Variants in TSPEAR observed in about 807,000 individuals in gnomAD.
The protein encoded by TSPEAR is thrombospondin-type laminin G domain and EAR repeat-containing protein.
Under a neutral mutation model 71.6 loss-of-function variants are expected in TSPEAR, and 69 were observed. That is an observed-to-expected ratio of 0.96 (90% CI 0.79 to 1.18). The LOEUF is 1.18. TSPEAR is among the 50% of genes most tolerant of loss of function. The pLI is 0.00. For synonymous variants in TSPEAR, 402 were observed against 387.2 expected, an observed-to-expected ratio of 1.04 and a Z score of -0.45; for missense variants, 971 against 894.9, an observed-to-expected ratio of 1.09 and a Z score of -1.09.
rs1555915226 is a variant in TSPEAR at position 44,528,402 on chromosome 21, G to A, written c.922+50C>T. ...CCTAGCCTCCACTCCCAGTCACACT[G>A]TGCCAGAGTGGCCCTGCATGCCAAC... On this transcript the variant is annotated intron_variant, in intron 6 of 11. Coordinates refer to ENST00000323084, the MANE Select transcript of TSPEAR (RefSeq NM_144991.3). 4 of 1,610,776 alleles carry A rather than the reference G, an allele frequency of 2.5e-6. 1 individual carries two copies. In the South Asian group the frequency reaches 3.3e-5, roughly 13 times the overall value.
At chr21:44,638,026 C>G (rs77446663) in intron 1 of TSPEAR, 10 of 1,608,168 alleles carry the variant, frequency 6.2e-6, no homozygotes, top group Non-Finnish European at 8.5e-6. Context: ...CCACCTGCTG[C>G]GTGCCCGTCC....
intron 1 of TSPEAR, chr21:44,646,314 A>C: frequency 8.4e-7 from 1 of 1,188,348 alleles, no homozygotes; most frequent in Non-Finnish European, 1.2e-6. Context: ...CAAGGAAGAA[A>C]AGCTTGTGGA....
intron 1 of TSPEAR, chr21:44,601,118 C>T (rs782195449): frequency 1.3e-6 from 2 of 1,583,090 alleles, no homozygotes; most frequent in East Asian, 4.6e-5. Context: ...CCTGTCTGCT[C>T]TGGGATTTCC....
rs781847897 is a variant in TSPEAR, at chr21:44,551,186, G to T, written c.303+16599C>A. On this transcript the variant is annotated intron_variant, in intron 2 of 11. Transcript: ENST00000323084. ...AGCAGGCCTGCTGGCAGGGGGAGGA[G>T]GTGCAGCAAGCCGGCTGGCAGCTAG... The T allele has an allele frequency of 2.7e-5, 43 of 1,596,058 alleles. 1 individual carries two copies. The South Asian group carries it at 4.1e-4, about 15-fold the overall frequency.
Position 44,522,001 on chromosome 21 carries a change from C to T in TSPEAR, c.1448G>A (p.Ser483Asn). The T allele has an allele frequency of 1.2e-6, 2 of 1,614,174 alleles. No homozygotes were observed. The highest frequency in any genetic ancestry group is 1.7e-6 in the Non-Finnish European group (2 of 1,180,018). The change falls in exon 9 of 12, where the codon AGT becomes AAT. Residue 483 changes from serine (S) to asparagine (N), a missense_variant. By Grantham distance (46) the Ser-to-Asn change is conservative. Transcript: ENST00000323084. ...CACCAGGAACGAGTAGGGCCCCACA[C>T]TGAAGAACTCCCAGTCGTAGGCGCC... ...TSGAYDWEFF[S>N]VGPYSFLVVA...
chr21:44,630,863 T>G (rs1437801231), intron 1 of TSPEAR, among the ~76,000 whole-genome samples: 2 of 152,212 alleles, frequency 1.3e-5, no homozygotes, highest in African/African-American at 4.8e-5. Context: ...ACCCCCTTCA[T>G]GACAAAGAGT....
intron 1 of TSPEAR, among the ~76,000 whole-genome samples, chr21:44,661,858 G>A (rs1277390721): frequency 1.3e-5 from 2 of 152,054 alleles, no homozygotes; most frequent in African/African-American, 4.8e-5. Flanking sequence ...AGGGGATGAC[G>A]CTTAACCATT....
chr21:44,667,712 T>C (rs1985861688), intron 1 of TSPEAR, among the ~76,000 whole-genome samples: 1 of 152,196 alleles, frequency 6.6e-6, no homozygotes. Context: ...CAGAAAGCCA[T>C]GTGCACCCTG....
chr21:44,568,228 G>T (rs938896239), intron 1 of TSPEAR, among the ~76,000 whole-genome samples: 1 of 152,182 alleles, frequency 6.6e-6, no homozygotes, highest in African/African-American at 2.4e-5. Flanking sequence ...TGCTCCTGGG[G>T]GATCTTGCAC....
intron 8 of TSPEAR, among the ~76,000 whole-genome samples, chr21:44,523,343 T>C (rs2052775604): frequency 6.6e-6 from 1 of 151,546 alleles, no homozygotes; most frequent in African/African-American, 2.4e-5. Flanking sequence ...CTCAGTGAAG[T>C]GGTCGGTCAG....
rs1039299794 is a variant in TSPEAR, at chr21:44,642,400, G to A, written c.82+69033C>T. 2.2e-4 allele frequency among the ~76,000 whole-genome samples: 33 copies of A among 152,140 alleles called. No homozygotes were observed. Among genetic ancestry groups the A allele is most frequent in the African/African-American group, 7.5e-4 (31 of 41,414 alleles). On this transcript the variant is annotated intron_variant, in intron 1 of 11. Coordinates refer to ENST00000323084, the MANE Select transcript of TSPEAR (RefSeq NM_144991.3). The surrounding 1 kb of genome is among the most constrained non-coding windows in gnomAD (Gnocchi z 4.1). ...CTAGTAAGACTGGTGACATCCTGAT[G>A]CCAAAACCAGGAATAACAGCGAGAG... is the stretch of plus-strand genomic sequence containing the variant.
At chr21:44,510,682 C>T (rs1270059040) in intron 9 of TSPEAR, 4 of 152,294 alleles carry the variant, frequency 2.6e-5, no homozygotes, top group Admixed American at 6.5e-5. Context: ...CGCCGTTGCC[C>T]GCCCGAGCCC....
intron 1 of TSPEAR, among the ~76,000 whole-genome samples, chr21:44,653,746 T>C (rs1422710369): frequency 6.6e-6 from 1 of 152,080 alleles, no homozygotes; most frequent in Non-Finnish European, 1.5e-5. Flanking sequence ...CCTCATACAT[T>C]TAAGGAACAA....
intron 1 of TSPEAR, chr21:44,658,070 C>T (rs1555942908): frequency 6.2e-7 from 1 of 1,613,602 alleles, no homozygotes; most frequent in Admixed American, 1.7e-5. Flanking sequence ...CGTGAGCTGC[C>T]AGTCCTCCGT....
At chr21:44,677,347 T>C in intron 1 of TSPEAR, 2 of 1,378,656 alleles carry the variant, frequency 1.5e-6, no homozygotes, top group South Asian at 1.2e-5. Context: ...GAATTGTCCA[T>C]GGCGGCTTTC....
In TSPEAR at chr21:44,545,057, C is replaced by T. The variant is rs587704972; in HGVS notation, c.304-11134G>A. On this transcript the variant is annotated intron_variant, in intron 2 of 11. Coordinates refer to ENST00000323084, the MANE Select transcript of TSPEAR (RefSeq NM_144991.3). ...AAAAGAGGCCAGGCGCGGTGGCTCACGCCTGTAATCCCAGCATTTTGGGAG... is the reference window on the plus strand; with the variant it reads ...AAAAGAGGCCAGGCGCGGTGGCTCATGCCTGTAATCCCAGCATTTTGGGAG... 2.0e-3 allele frequency among the ~76,000 whole-genome samples: 301 copies of T among 151,450 alleles called. 2 individuals are homozygous for T. The highest frequency in any genetic ancestry group is 6.6e-3 in the African/African-American group (273 of 41,312).
intron 1 of TSPEAR, among the ~76,000 whole-genome samples, chr21:44,583,730 T>C (rs1979157054): frequency 6.6e-6 from 1 of 152,212 alleles, no homozygotes; most frequent in Admixed American, 6.5e-5. Flanking sequence ...TTCCCCAGCT[T>C]TATTGAGATG....
At chr21:44,707,187 G>A (rs1432778301) in intron 1 of TSPEAR, among the ~76,000 whole-genome samples, 1 of 152,232 alleles carries the variant, frequency 6.6e-6, no homozygotes, top group Non-Finnish European at 1.5e-5. Flanking sequence ...ATTAGGACGG[G>A]GGTGACAGCC....
chr21:44,601,771 A>T, intron 1 of TSPEAR: 1 of 1,581,986 alleles, frequency 6.3e-7, no homozygotes, highest in Non-Finnish European at 8.6e-7. Flanking sequence ...CTGAGTGCTC[A>T]CTGCCACCTG....
Sources: gnomAD v4.1 joint callset for allele counts (sites outside exome capture counted in the v4.1 genomes callset) on GRCh38, gnomAD v4.1.1 for gene constraint, Gnocchi (gnomAD v3.1) non-coding constraint, MANE v1.5 for transcripts, NCBI Gene and HGNC (gene_info 2026-07-23, HGNC 2026-07-21) for gene names.